The following THPO variants were observed in gnomAD, a reference collection of about 807,000 sequenced individuals.
THPO encodes MPL ligand.
Under a neutral mutation model 17.0 loss-of-function variants are expected in THPO, and 12 were observed. That is an observed-to-expected ratio of 0.71 (90% CI 0.45 to 1.14). The LOEUF (loss-of-function observed/expected upper bound fraction) is 1.14, where lower values mean the gene tolerates loss of function less well. Ranked by LOEUF, THPO falls within the 50% of genes most tolerant of loss-of-function variation. The pLI, the probability that THPO is intolerant of heterozygous loss-of-function variation, is 0.00. For synonymous variants in THPO, 188 were observed against 183.0 expected (o/e 1.03, Z -0.22); for missense variants, 365 against 427.5 (o/e 0.85, Z 1.29).
chr3:184,378,732 A>G, upstream of THPO: 4 of 920,832 alleles, frequency 4.3e-6, no homozygotes, highest in Non-Finnish European at 5.2e-6. Context: ...GTATGTGCGC[A>G]CACGTGCACT....
Position 184,373,463 on chromosome 3 carries a change from T to C in THPO, c.348A>G (p.Gly116=). 2.5e-6 allele frequency: 4 copies of C among 1,614,058 alleles called. No individual in the cohort carries two copies. Among genetic ancestry groups the C allele is most frequent in the Non-Finnish European group, 3.4e-6 (4 of 1,180,012 alleles). Residue 116 remains glycine (G), a synonymous_variant, in exon 5 of 6, where the codon GGA becomes GGG. Coordinates refer to ENST00000647395, the MANE Select transcript of THPO (RefSeq NM_000460.4). ...CLSSLLGQLS[G]QVRLLLGALQ... is the part of the protein sequence containing the mutation. The stretch of plus-strand genomic sequence containing the variant: ...GGGCCCCAAGGAGGAGACGGACCTG[T>C]CCAGAAAGCTGCCCCAGGAGGGATG...
chr3:184,376,229 C>T lies in THPO; in HGVS notation c.13+18G>A, dbSNP rs755592778. On this transcript the variant is annotated intron_variant, in intron 2 of 5. Transcript: ENST00000647395. ...GTCATGTTTCCATATGGCCCTAGCC[C>T]CTCAGGTGTGTTCTCACCAGTCAGC... 1.9e-6 allele frequency: 3 copies of T among 1,614,036 alleles called. No individual in the cohort carries two copies. The Admixed American group carries it at 5.0e-5, about 27-fold the overall frequency.
intron 1 of THPO, among the ~76,000 whole-genome samples, chr3:184,377,443 TACCTTGTCTTAGGCGCCC>T (rs1186565808): frequency 6.6e-6 from 1 of 152,128 alleles, no homozygotes; most frequent in East Asian, 1.9e-4. Context: ...CTTAGGGGCT[TACCTTGTCTTAGGCGCCC>T]ACTAACATAT....
chr3:184,372,521 C>A lies in THPO; in HGVS notation c.1054G>T (p.Glu352Ter), dbSNP rs775627407. 1 of 1,614,060 alleles carries A rather than the reference C, an allele frequency of 6.2e-7. No homozygotes were observed. The highest frequency in any genetic ancestry group is 2.2e-5 in the East Asian group (1 of 44,876). Residue 352 changes from glutamate (E) to a stop codon, truncating the protein, a stop_gained, in exon 6 of 6, where the codon GAA becomes TAA. Coordinates refer to ENST00000647395, the MANE Select transcript of THPO (RefSeq NM_000460.4). LOFTEE classifies it high-confidence loss of function. ...SYTHSQNLSQ[E>*]G is the part of the protein sequence containing the mutation. The stretch of plus-strand genomic sequence containing the variant: ...GGCAGTGTCTGAGAACCTTACCCTT[C>A]CTGAGACAGATTCTGGGAGTGGGTG...
At position 184,376,424 on chromosome 3, in the gene THPO, T is replaced by A; in HGVS notation, c.-145-20A>T. 2 of 1,543,614 alleles carry A rather than the reference T, an allele frequency of 1.3e-6. No homozygotes were observed. Among genetic ancestry groups the A allele is most frequent in the East Asian group, 4.6e-5 (2 of 43,392 alleles). On this transcript the variant is annotated intron_variant, in intron 1 of 5. Coordinates refer to ENST00000647395, the MANE Select transcript of THPO (RefSeq NM_000460.4). ...TCTATCCTGAAAGTAGCAAGAAGAG[T>A]GAACATTTAACCAAGTTTCTAGGAA...
At chr3:184,375,461 T>A in intron 4 of THPO, 54 bp downstream of exon 4, 1 of 1,554,376 alleles carries the variant, frequency 6.4e-7, no homozygotes, top group African/African-American at 1.4e-5. Context: ...TGGGAAGCAG[T>A]GGGAAACTGA....
chr3:184,377,939 G>A, intron 1 of THPO, 136 bp downstream of exon 1: 2 of 645,224 alleles, frequency 3.1e-6, no homozygotes, highest in Non-Finnish European at 3.9e-6. Context: ...CTCCCATTCT[G>A]GGAAGGCTAC....
Position 184,376,235 on chromosome 3 carries a change from G to T in THPO, c.13+12C>A. 1 of 1,614,040 alleles carries T rather than the reference G, an allele frequency of 6.2e-7. No individual in the cohort carries two copies. The highest frequency in any genetic ancestry group is 8.5e-7 in the Non-Finnish European group (1 of 1,179,982). ...TTTCCATATGGCCCTAGCCCCTCAGGTGTGTTCTCACCAGTCAGCTCCATT... is the reference window on the plus strand; with the variant it reads ...TTTCCATATGGCCCTAGCCCCTCAGTTGTGTTCTCACCAGTCAGCTCCATT... On this transcript the variant is annotated intron_variant, in intron 2 of 5. Coordinates refer to ENST00000647395, the MANE Select transcript of THPO (RefSeq NM_000460.4).
At position 184,373,133 on chromosome 3, in the gene THPO, T is replaced by G; in HGVS notation, c.442A>C (p.Ile148Leu). Residue 148 changes from isoleucine to leucine, a missense_variant, in exon 6 of 6, where the codon ATC (isoleucine) becomes CTC (leucine). Physicochemically the swap from Ile to Leu is conservative, Grantham distance 5 (BLOSUM62 2). Coordinates refer to ENST00000647395, the MANE Select transcript of THPO (RefSeq NM_000460.4). ...RTTAHKDPNA[I>L]FLSFQHLLRG... ...AGCAGGTGTTGGAAGCTCAGGAAGA[T>G]GGCATTGGGATCCTTGTGAGCTGTG... is the stretch of plus-strand genomic sequence containing the variant. The G allele has an allele frequency of 6.2e-7, 1 of 1,613,330 alleles. No individual in the cohort carries two copies. The highest frequency in any genetic ancestry group is 2.2e-5 in the East Asian group (1 of 44,868).
chr3:184,378,844 CTCCGTCT>C, upstream of THPO: 1 of 985,396 alleles, frequency 1.0e-6, no homozygotes, highest in South Asian at 4.7e-5. Context: ...CTTGTTCTGT[CTCCGTCT>C]TCCATCTCCT....
intron 4 of THPO, among the ~76,000 whole-genome samples, chr3:184,374,553 G>A (rs921993003): frequency 1.3e-5 from 2 of 152,136 alleles, no homozygotes; most frequent in African/African-American, 4.8e-5. Flanking sequence ...TAGTCCACTC[G>A]GAATAGAGTT....
rs1714098136 is a variant in THPO at position 184,373,247 on chromosome 3, G to A, written c.397-69C>T. On this transcript the variant is annotated intron_variant, in intron 5 of 5. Coordinates refer to ENST00000647395, the MANE Select transcript of THPO (RefSeq NM_000460.4). ...TCTCAGGCCTCCCTTGTCTAAGTAGGAAAGACAGGATGCCAGTACCCAGGC... is the reference window on the plus strand; with the variant it reads ...TCTCAGGCCTCCCTTGTCTAAGTAGAAAAGACAGGATGCCAGTACCCAGGC... The A allele has an allele frequency of 6.9e-6, 11 of 1,596,092 alleles. No individual in the cohort carries two copies. In the South Asian group the frequency reaches 9.9e-5, roughly 14 times the overall value.
At chr3:184,373,324 C>A in intron 5 of THPO, 91 bp downstream of exon 5, 1 of 1,577,550 alleles carries the variant, frequency 6.3e-7, no homozygotes, top group Non-Finnish European at 8.7e-7. Context: ...TGCCCTTGAG[C>A]TCCCTGGAAG....
intron 4 of THPO, 97 bp downstream of exon 4, chr3:184,375,417 AT>A: frequency 7.6e-7 from 1 of 1,318,332 alleles, no homozygotes; most frequent in South Asian, 1.2e-5. Context: ...AAGGTGAGAT[AT>A]TTTTAAAAAG....
At chr3:184,376,599 C>CTT (rs1714420143) in intron 1 of THPO, among the ~76,000 whole-genome samples, 195 bp from the exon 2 acceptor site, 1 of 152,086 alleles carries the variant, frequency 6.6e-6, no homozygotes, top group Non-Finnish European at 1.5e-5. Flanking sequence ...AATCCCAGCA[C>CTT]TTTGGGAGTC....
At chr3:184,378,263 C>A (rs547811539), upstream of THPO, 7 of 985,534 alleles carry the variant, frequency 7.1e-6, 1 homozygote, top group East Asian at 4.5e-4. Flanking sequence ...GAAGTGACGC[C>A]TTCTCTTCCC....
chr3:184,378,231 C>T (rs557176070), upstream of THPO: 2 of 985,526 alleles, frequency 2.0e-6, no homozygotes, highest in East Asian at 2.3e-4. Flanking sequence ...AGGGAGCCAC[C>T]AGACACTGGT....
Position 184,372,290 on chromosome 3 carries a change from T to C in THPO, c.*223A>G. 3.5e-6 allele frequency: 2 copies of C among 568,664 alleles called. No individual in the cohort carries two copies. The highest frequency in any genetic ancestry group is 6.2e-6 in the Non-Finnish European group (2 of 320,112). The allele number at this position is 568,664 out of a possible 1,614,324, so 35.2% of individuals were successfully genotyped here. A position where few individuals can be genotyped will look rare whatever the true frequency, so the allele number is the denominator to read the frequency against. On this transcript the variant is annotated 3_prime_UTR_variant, in exon 6 of 6. Transcript: ENST00000647395. Reference sequence around the variant, plus strand: ...TTCTGCAGAAAATAGACCAAAGAGCTAGCTGCTCTGATGAGTATTGCTGAT... The same window carrying C: ...TTCTGCAGAAAATAGACCAAAGAGCCAGCTGCTCTGATGAGTATTGCTGAT...
upstream of THPO, among the ~76,000 whole-genome samples, chr3:184,378,604 C>A (rs1225552849): frequency 1.3e-5 from 2 of 152,216 alleles, no homozygotes; most frequent in Non-Finnish European, 2.9e-5. Context: ...TCTTGTCATT[C>A]CCCCTTTCGA....
Sources: allele counts gnomAD v4.1 joint callset (sites outside exome capture counted in the v4.1 genomes callset), GRCh38; gene constraint gnomAD v4.1.1; transcripts MANE v1.5; gene names NCBI Gene and HGNC (gene_info 2026-07-23, HGNC 2026-07-21).